GABBR2: variants seen among roughly 807,000 people sequenced by gnomAD.
GABBR2 encodes the protein G-protein coupled receptor 51.
A neutral mutation model predicts 105.6 loss-of-function variants in GABBR2; 23 were observed. That is an observed-to-expected ratio of 0.22 (90% CI 0.16 to 0.31). The LOEUF (loss-of-function observed/expected upper bound fraction) is 0.31. GABBR2 is among the 10% of genes least tolerant of loss of function. The pLI is 1.00. For synonymous variants in GABBR2, 478 were observed against 499.7 expected (o/e 0.96, Z 0.58); for missense variants, 734 against 1,245.5 (o/e 0.59, Z 6.18).
intron 1 of GABBR2, among the ~76,000 whole-genome samples, chr9:98,683,472 C>T (rs1232923698): frequency 6.6e-6 from 1 of 152,150 alleles, no homozygotes; most frequent in Non-Finnish European, 1.5e-5. Flanking sequence ...CTCCTACCTA[C>T]GCTATGAAAA....
chr9:98,516,086 T>G (rs986333594), intron 3 of GABBR2: 1 of 152,322 alleles, frequency 6.6e-6, no homozygotes, highest in Non-Finnish European at 1.5e-5. Flanking sequence ...GAGTTGAGAC[T>G]GTGTTGGGGC....
intron 1 of GABBR2, among the ~76,000 whole-genome samples, chr9:98,702,068 GA>G (rs1830835389): frequency 6.6e-6 from 1 of 152,008 alleles, no homozygotes; most frequent in Non-Finnish European, 1.5e-5. Context: ...CCATTTCATC[GA>G]TGAAGAAACC....
intron 7 of GABBR2, among the ~76,000 whole-genome samples, chr9:98,439,132 G>A (rs557066305): frequency 1.3e-5 from 2 of 151,844 alleles, no homozygotes; most frequent in South Asian, 2.1e-4. Flanking sequence ...TGCTTATCTC[G>A]CTACCTTAAA....
intron 2 of GABBR2, among the ~76,000 whole-genome samples, chr9:98,577,228 A>ATGGTTAGGGGAATGGAGGGGT (rs769775744): frequency 6.6e-6 from 1 of 151,132 alleles, no homozygotes; most frequent in African/African-American, 2.4e-5. Flanking sequence ...GGATGGATGG[A>ATGGTTAGGGGAATGGAGGGGT]GCAAAAAAGT....
At chr9:98,351,467 C>CA (rs1831398271) in intron 13 of GABBR2, among the ~76,000 whole-genome samples, 2 of 152,200 alleles carry the variant, frequency 1.3e-5, no homozygotes, top group Admixed American at 1.3e-4. Context: ...CTTTCACTCC[C>CA]AGATGTAGGA....
chr9:98,436,444 A>G (rs930183025), intron 7 of GABBR2, among the ~76,000 whole-genome samples: 2 of 124,204 alleles, frequency 1.6e-5, no homozygotes, highest in African/African-American at 6.3e-5. Flanking sequence ...CAGATCCTTC[A>G]ATCATCCACA....
chr9:98,335,441 C>T (rs1472769771), intron 13 of GABBR2, among the ~76,000 whole-genome samples: 1 of 152,094 alleles, frequency 6.6e-6, no homozygotes, highest in Non-Finnish European at 1.5e-5. Context: ...AGTCTTGGGC[C>T]CTTCCTAGAG....
At chr9:98,677,539 C>T (rs1461998157) in intron 1 of GABBR2, among the ~76,000 whole-genome samples, 1 of 152,164 alleles carries the variant, frequency 6.6e-6, no homozygotes, top group African/African-American at 2.4e-5. Context: ...TGCCAAAAAA[C>T]TTTTGAGAAA....
chr9:98,620,247 T>TTCTC (rs112127893), intron 1 of GABBR2, among the ~76,000 whole-genome samples: 107,092 of 146,442 alleles, frequency 0.73, 39,899 homozygotes, highest in Middle Eastern at 0.84. Context: ...TTTTCTCTCT[T>TTCTC]TCTCTCTCTC....
chr9:98,676,969 T>C (rs1386249494), intron 1 of GABBR2, among the ~76,000 whole-genome samples: 2 of 152,110 alleles, frequency 1.3e-5, no homozygotes, highest in Non-Finnish European at 2.9e-5. Flanking sequence ...GGCACAGAAG[T>C]CTCTTGTGAT....
chr9:98,498,174 G>A (rs1250486965), intron 3 of GABBR2, among the ~76,000 whole-genome samples: 1 of 151,822 alleles, frequency 6.6e-6, no homozygotes, highest in African/African-American at 2.4e-5. Context: ...GAGATACTCA[G>A]GTTAGTCACA....
At chr9:98,656,874 G>A (rs1830191370) in intron 1 of GABBR2, among the ~76,000 whole-genome samples, 1 of 152,208 alleles carries the variant, frequency 6.6e-6, no homozygotes, top group South Asian at 2.1e-4. Context: ...TCAGCAGCAG[G>A]GAGGTTTATT....
chr9:98,426,723 A>T (rs1386348942), intron 7 of GABBR2, among the ~76,000 whole-genome samples: 1 of 152,188 alleles, frequency 6.6e-6, no homozygotes, highest in Non-Finnish European at 1.5e-5. Context: ...GCAGGCCAGG[A>T]GTGGTGGCTC....
At chr9:98,560,169 G>A (rs1828647419) in intron 2 of GABBR2, among the ~76,000 whole-genome samples, 2 of 152,036 alleles carry the variant, frequency 1.3e-5, no homozygotes, top group Admixed American at 6.6e-5. Flanking sequence ...TAAAAGTTGT[G>A]TATAGTTTTT....
chr9:98,515,789 C>T (rs987596706), intron 3 of GABBR2, among the ~76,000 whole-genome samples: 6 of 152,168 alleles, frequency 3.9e-5, no homozygotes, highest in Admixed American at 1.3e-4. Context: ...GAATTTCATC[C>T]TCAACAATCT....
At chr9:98,480,890 G>A (rs1263283132) in intron 5 of GABBR2, 42 bp downstream of exon 5, 2 of 1,187,276 alleles carry the variant, frequency 1.7e-6, no homozygotes, top group South Asian at 2.4e-5. Context: ...AAAGCTTCGT[G>A]AACCTCCCCA....
At chr9:98,698,089 T>C (rs1459008000) in intron 1 of GABBR2, among the ~76,000 whole-genome samples, 2 of 152,206 alleles carry the variant, frequency 1.3e-5, no homozygotes, top group African/African-American at 2.4e-5. Context: ...GTGAAAAATA[T>C]CATTTTTCTC....
rs894913954 is a variant in GABBR2, at chr9:98,649,744, T to C, written c.321+58673A>G. Among the ~76,000 whole-genome samples, 6 of 152,366 alleles carry C rather than the reference T, an allele frequency of 3.9e-5. No homozygotes were observed. The East Asian group carries it at 1.2e-3, about 29-fold the overall frequency. ...TAGGTATAATGAATGGTAGGATTAA[T>C]GATTTTCTTCTCCATTTTCCAAAAT... On this transcript the variant is annotated intron_variant, in intron 1 of 18. Coordinates refer to ENST00000259455, the MANE Select transcript of GABBR2 (RefSeq NM_005458.8).
In GABBR2 at chr9:98,577,953, T is replaced by G. The variant is rs759633668; in HGVS notation, c.441A>C (p.Gln147His). 2.2e-5 allele frequency: 36 copies of G among 1,613,310 alleles called. No homozygotes were observed. The highest frequency in any genetic ancestry group is 3.1e-5 in the Non-Finnish European group (36 of 1,179,550). ...SVTSIIAESL[Q>H]GWNLVQLSFA... Reference sequence around the variant, plus strand: ...ACCTTACCTGCACCAGATTCCAGCCTTGGAGGGACTCTGCAATGATGGATG... The same window carrying G: ...ACCTTACCTGCACCAGATTCCAGCCGTGGAGGGACTCTGCAATGATGGATG... The change falls in exon 2 of 19, where the codon CAA becomes CAC. Residue 147 changes from glutamine (Q) to histidine (H), a missense_variant. Around this residue, in one of 7 missense-constraint regions of GABBR2, gnomAD observed 370 missense variants for 648.9 expected, o/e 0.57. Transcript: ENST00000259455.
Sources: allele counts gnomAD v4.1 joint callset (sites outside exome capture counted in the v4.1 genomes callset), GRCh38; gene constraint gnomAD v4.1.1; regional missense constraint gnomAD v4.1.1; transcripts MANE v1.5; gene names NCBI Gene and HGNC (gene_info 2026-07-23, HGNC 2026-07-21).